The following ZNF736 variants were observed in gnomAD, a reference collection of about 807,000 sequenced individuals.
ZNF736 encodes the protein zinc finger protein 736.
Under a neutral mutation model 11.7 loss-of-function variants are expected in ZNF736, and 6 were observed. That is an observed-to-expected ratio of 0.51 (90% CI 0.28 to 1.01). The LOEUF (loss-of-function observed/expected upper bound fraction) is 1.01, where lower values mean the gene tolerates loss of function less well. Among genes scored for constraint, ZNF736 ranks in the 50% least tolerant of loss-of-function variants. The pLI, the probability that ZNF736 is intolerant of heterozygous loss-of-function variation, is 0.09. For synonymous variants in ZNF736, 139 were observed against 164.7 expected (o/e 0.84, Z 1.19); for missense variants, 444 against 496.0 (o/e 0.90, Z 1.00).
intron 1 of ZNF736, among the ~76,000 whole-genome samples, chr7:64,333,609 A>G (rs1584271012): frequency 6.6e-6 from 1 of 151,896 alleles, no homozygotes; most frequent in Admixed American, 6.6e-5. Flanking sequence ...AATAGAAGAG[A>G]CTTCCTCTCT....
In ZNF736 at chr7:64,314,010, G is replaced by C. The variant is rs1260277457; in HGVS notation, c.-141G>C. 1.7e-6 allele frequency: 2 copies of C among 1,194,994 alleles called. No individual in the cohort carries two copies. Among genetic ancestry groups the C allele is most frequent in the Non-Finnish European group, 2.4e-6 (2 of 832,670 alleles). 74.0% of individuals were successfully genotyped at this position (1,194,994 alleles called of 1,614,324 possible). ...CTTTGTCTCCTAGCTTCCGGGCTCT[G>C]ATCCTAGTTCGCGTCTCCACTGTTC... On this transcript the variant is annotated 5_prime_UTR_variant, in exon 1 of 4. Coordinates refer to ENST00000423484, the MANE Select transcript of ZNF736 (RefSeq NM_001170905.3).
chr7:64,331,810 C>T (rs540039586), intron 1 of ZNF736, among the ~76,000 whole-genome samples: 55 of 152,202 alleles, frequency 3.6e-4, no homozygotes, highest in African/African-American at 1.3e-3. Context: ...TCAGTGTGGC[C>T]CATATTCCCA....
chr7:64,345,285 G>A (rs2115959793), intron 3 of ZNF736, among the ~76,000 whole-genome samples: 1 of 150,942 alleles, frequency 6.6e-6, no homozygotes, highest in Non-Finnish European at 1.5e-5. Context: ...GCCTCCCAAA[G>A]TGCTGGGATT....
intron 1 of ZNF736, among the ~76,000 whole-genome samples, chr7:64,333,639 G>A (rs686236): frequency 0.98 from 148,350 of 152,100 alleles, 72,424 homozygotes; most frequent in Non-Finnish European, 1. Flanking sequence ...AAGCAAGGAA[G>A]TAAAAGAGGA....
intron 3 of ZNF736, among the ~76,000 whole-genome samples, chr7:64,347,217 C>CTTTTTTTTTTTTTT (rs35033527): frequency 1.1e-4 from 6 of 55,870 alleles, no homozygotes; most frequent in Admixed American, 5.2e-4. Context: ...AAATGTTCGC[C>CTTTTTTTTTTTTTT]TTTTTTTTTT....
At chr7:64,318,841 A>G (rs1788954263) in intron 1 of ZNF736, among the ~76,000 whole-genome samples, 1 of 152,150 alleles carries the variant, frequency 6.6e-6, no homozygotes, top group African/African-American at 2.4e-5. Context: ...AGTTCATTGT[A>G]AAAGGGAGTA....
At chr7:64,333,067 TTAAAG>T (rs1215724942) in intron 1 of ZNF736, among the ~76,000 whole-genome samples, 5 of 152,174 alleles carry the variant, frequency 3.3e-5, no homozygotes, top group Non-Finnish European at 5.9e-5. Flanking sequence ...GATTAAGAGA[TTAAAG>T]TAAAGACAGG....
chr7:64,351,914 G>C lies in ZNF736; in HGVS notation c.*2767G>C, dbSNP rs568373320. On this transcript the variant is annotated 3_prime_UTR_variant, in exon 4 of 4. Coordinates refer to ENST00000423484, the MANE Select transcript of ZNF736 (RefSeq NM_001170905.3). ...TAGTTTGTGGGACCCATGGAGGATG[G>C]GCTGGCTTCCTCTCCTTGGGTAAAC... The C allele has an allele frequency of 6.6e-6, 1 of 151,906 alleles. No homozygotes were observed. Among genetic ancestry groups the C allele is most frequent in the Non-Finnish European group, 1.5e-5 (1 of 68,016 alleles). 9.4% of individuals were successfully genotyped at this position (151,906 alleles called of 1,614,324 possible).
intron 1 of ZNF736, among the ~76,000 whole-genome samples, chr7:64,316,707 T>C (rs1321319572): frequency 6.6e-6 from 1 of 152,188 alleles, no homozygotes; most frequent in Non-Finnish European, 1.5e-5. Flanking sequence ...TTTCATTAAT[T>C]GTATAATGGA....
chr7:64,336,132 A>T lies in ZNF736; in HGVS notation c.4-127A>T, dbSNP rs1202644605. On this transcript the variant is annotated intron_variant, in intron 1 of 3. Coordinates refer to ENST00000423484, the MANE Select transcript of ZNF736 (RefSeq NM_001170905.3). The stretch of plus-strand genomic sequence containing the variant: ...CACTAGAGAATATTTCTGTGCTAGA[A>T]AGTATCCTACTGGATAACTCCAGTA... 5.6e-6 allele frequency: 6 copies of T among 1,067,148 alleles called. No homozygotes were observed. The African/African-American group carries it at 9.7e-5, about 17-fold the overall frequency. The allele number at this position is 1,067,148 out of a possible 1,614,324, so 66.1% of individuals were successfully genotyped here.
chr7:64,330,311 C>T (rs1370691340), intron 1 of ZNF736, among the ~76,000 whole-genome samples: 6 of 152,130 alleles, frequency 3.9e-5, no homozygotes, highest in South Asian at 2.1e-4. Flanking sequence ...TGCCCACCAC[C>T]GCGCCGGCTA....
At chr7:64,347,008 C>T (rs615566) in intron 3 of ZNF736, among the ~76,000 whole-genome samples, 38,627 of 148,232 alleles carry the variant, frequency 0.26, 6,061 homozygotes, top group South Asian at 0.4. Flanking sequence ...TCTTTTTTTT[C>T]TTTGAGCCAT....
chr7:64,339,525 A>G (rs1789307077), intron 3 of ZNF736, among the ~76,000 whole-genome samples: 1 of 152,026 alleles, frequency 6.6e-6, no homozygotes, highest in Non-Finnish European at 1.5e-5. Flanking sequence ...CCCAGCCCCA[A>G]GTGTGGAAGA....
rs1317455907 is a variant in ZNF736 at position 64,348,765 on chromosome 7, C to G, written c.902C>G (p.Ala301Gly). 6 of 1,592,196 alleles carry G rather than the reference C, an allele frequency of 3.8e-6. No homozygotes were observed. In the Admixed American group the frequency reaches 5.3e-5, roughly 14 times the overall value. ...NKAYRWFSDL[A>G]KHKIIHTGDK... ...GCCTATAGGTGGTTCTCAGACCTTG[C>G]TAAACATAAGATAATTCATACTGGA... Residue 301 changes from alanine (A) to glycine (G), a missense_variant, in exon 4 of 4, where the codon GCT becomes GGT. Physicochemically the swap from Ala to Gly is moderately conservative, Grantham distance 60. Transcript: ENST00000423484.
At position 64,353,946 on chromosome 7, in the gene ZNF736, G is replaced by T. The variant is rs937134102; in HGVS notation, c.*4799G>T. ...GTTAAGGCTATTTTACATTGAATGT[G>T]TATCTTGCCACTGATGTTAACTTAT... On this transcript the variant is annotated 3_prime_UTR_variant, in exon 4 of 4. Coordinates refer to ENST00000423484, the MANE Select transcript of ZNF736 (RefSeq NM_001170905.3). The T allele has an allele frequency of 2.0e-5, 3 of 152,210 alleles. No homozygotes were observed. Among genetic ancestry groups the T allele is most frequent in the Non-Finnish European group, 4.4e-5 (3 of 68,030 alleles). The allele number at this position is 152,210 out of a possible 1,614,324, so 9.4% of individuals were successfully genotyped here. A position where few individuals can be genotyped will look rare whatever the true frequency, so the allele number is the denominator to read the frequency against.
At chr7:64,320,819 C>T (rs772027059) in intron 1 of ZNF736, among the ~76,000 whole-genome samples, 2 of 152,084 alleles carry the variant, frequency 1.3e-5, no homozygotes, top group Non-Finnish European at 2.9e-5. Context: ...TAAAACCTGC[C>T]GTTTCCAATT....
At chr7:64,336,592 C>A (rs773792174) in intron 2 of ZNF736, among the ~76,000 whole-genome samples, 8 of 152,014 alleles carry the variant, frequency 5.3e-5, no homozygotes, top group Non-Finnish European at 1.0e-4. Context: ...CATCTGTATA[C>A]TTCAGTCTAA....
chr7:64,325,301 A>T (rs1202796808), intron 1 of ZNF736, among the ~76,000 whole-genome samples: 1 of 152,206 alleles, frequency 6.6e-6, no homozygotes, highest in Non-Finnish European at 1.5e-5. Context: ...CTTAACTTTC[A>T]CCTATGAAGC....
At chr7:64,331,443 G>A (rs1275362000) in intron 1 of ZNF736, among the ~76,000 whole-genome samples, 3 of 152,194 alleles carry the variant, frequency 2.0e-5, no homozygotes, top group Admixed American at 6.5e-5. Flanking sequence ...GAGGAGGGCT[G>A]CTGTTGGCAA....
Sources: gnomAD v4.1 joint callset for allele counts (sites outside exome capture counted in the v4.1 genomes callset) on GRCh38, gnomAD v4.1.1 for gene constraint, MANE v1.5 for transcripts, NCBI Gene and HGNC (gene_info 2026-07-23, HGNC 2026-07-21) for gene names.